The following SETBP1 variants were observed in gnomAD, a reference collection of about 807,000 sequenced individuals.
SETBP1 encodes the protein SET binding protein 1, also known as SET-binding protein.
SETBP1 carries 9 observed loss-of-function variants against 101.0 expected under a neutral mutation model. The observed-to-expected ratio is 0.09, with a 90% CI of 0.05 to 0.16. The LOEUF is 0.16. Among genes scored for constraint, SETBP1 ranks in the 10% least tolerant of loss-of-function variants. The pLI is 1.00. For missense variants in SETBP1, 1,858 were observed against 2,033.8 expected (o/e 0.91, Z 1.66); for synonymous variants, 818 against 788.5 (o/e 1.04, Z -0.63).
chr18:45,055,501 A>G (rs1192010504), intron 5 of SETBP1, among the ~76,000 whole-genome samples: 1 of 152,146 alleles, frequency 6.6e-6, no homozygotes, highest in Non-Finnish European at 1.5e-5. Flanking sequence ...AATATTTTTA[A>G]TAGTTTTTTA....
chr18:44,771,164 C>T (rs1021718666), intron 2 of SETBP1, among the ~76,000 whole-genome samples: 15 of 151,856 alleles, frequency 9.9e-5, no homozygotes, highest in African/African-American at 3.6e-4. Context: ...TCCAGATCTA[C>T]TGATGCAGAA....
chr18:44,939,537 A>C (rs1436339578), intron 3 of SETBP1, among the ~76,000 whole-genome samples: 1 of 152,196 alleles, frequency 6.6e-6, no homozygotes, highest in African/African-American at 2.4e-5. Context: ...TTTTTATAAA[A>C]GTCTAATTGT....
At chr18:44,938,680 G>C (rs1042131020) in intron 3 of SETBP1, among the ~76,000 whole-genome samples, 1 of 152,176 alleles carries the variant, frequency 6.6e-6, no homozygotes, top group Admixed American at 6.5e-5. Flanking sequence ...TTTGTGGCTG[G>C]GGTGGAGACA....
At chr18:45,040,311 A>C (rs917651113) in intron 5 of SETBP1, among the ~76,000 whole-genome samples, 2 of 151,168 alleles carry the variant, frequency 1.3e-5, no homozygotes, top group Admixed American at 1.3e-4. Flanking sequence ...GTTACTCCTG[A>C]GACTTGATGG....
intron 3 of SETBP1, among the ~76,000 whole-genome samples, chr18:44,889,948 GT>G (rs1186863841): frequency 6.6e-6 from 1 of 151,986 alleles, no homozygotes; most frequent in African/African-American, 2.4e-5. Flanking sequence ...TTGTTTACTT[GT>G]TTACTTAATT....
intron 3 of SETBP1, among the ~76,000 whole-genome samples, chr18:44,903,474 G>C (rs2070100700): frequency 6.6e-6 from 1 of 152,188 alleles, no homozygotes; most frequent in Non-Finnish European, 1.5e-5. Context: ...GCCACGCTGT[G>C]AGACAGCTTT....
Position 44,869,228 on chromosome 18 carries a change from A to G in SETBP1, c.487-2A>G, listed in dbSNP as rs2144680548. On this transcript the variant is annotated splice_acceptor_variant, in intron 2 of 5. Transcript: ENST00000649279. LOFTEE classifies it high-confidence loss of function. ...TGAGAAAATTTCTTTATTCTTTTGC[A>G]GCTCCTCACAGCCAGTGACCTTGCA... 6.2e-7 allele frequency: 1 copy of G among 1,614,018 alleles called. No individual in the cohort carries two copies. Among genetic ancestry groups the G allele is most frequent in the Non-Finnish European group, 8.5e-7 (1 of 1,179,922 alleles).
chr18:44,682,251 G>A (rs2068771470), intron 1 of SETBP1, among the ~76,000 whole-genome samples: 1 of 152,158 alleles, frequency 6.6e-6, no homozygotes, highest in South Asian at 2.1e-4. Flanking sequence ...TGTGTGTGTC[G>A]TGGGAGAAAG....
chr18:44,991,346 A>G (rs962046956), intron 4 of SETBP1, among the ~76,000 whole-genome samples: 2 of 152,054 alleles, frequency 1.3e-5, no homozygotes, highest in African/African-American at 4.8e-5. Flanking sequence ...AAAGCTTTAA[A>G]AAGGCCAGAT....
intron 2 of SETBP1, among the ~76,000 whole-genome samples, chr18:44,863,767 C>G (rs564276398): frequency 6.6e-6 from 1 of 152,286 alleles, no homozygotes; most frequent in South Asian, 2.1e-4. Flanking sequence ...ACCTACCTAC[C>G]TAGCTACCTA....
At chr18:44,779,165 G>A (rs1041547527) in intron 2 of SETBP1, among the ~76,000 whole-genome samples, 1 of 152,246 alleles carries the variant, frequency 6.6e-6, no homozygotes, top group African/African-American at 2.4e-5. Flanking sequence ...GGTTAGAGGA[G>A]GCTGGGTTTC....
intron 2 of SETBP1, among the ~76,000 whole-genome samples, chr18:44,782,085 G>C (rs2144685909): frequency 6.6e-6 from 1 of 152,328 alleles, no homozygotes; most frequent in Non-Finnish European, 1.5e-5. Context: ...TAGCTGTTAG[G>C]AATGCAGAAC....
intron 4 of SETBP1, among the ~76,000 whole-genome samples, chr18:44,982,152 G>A (rs1431822229): frequency 6.6e-6 from 1 of 152,224 alleles, no homozygotes; most frequent in Non-Finnish European, 1.5e-5. Flanking sequence ...TGGTTTCACA[G>A]CTCTGGAATA....
chr18:44,880,335 C>T (rs941955228), intron 3 of SETBP1, among the ~76,000 whole-genome samples: 2 of 152,060 alleles, frequency 1.3e-5, no homozygotes, highest in South Asian at 2.1e-4. Context: ...CCATTGTTGA[C>T]GTGGTGATAG....
chr18:45,003,827 A>C (rs1266947639), intron 4 of SETBP1, among the ~76,000 whole-genome samples: 1 of 152,198 alleles, frequency 6.6e-6, no homozygotes, highest in Admixed American at 6.5e-5. Context: ...AATTCCAGGA[A>C]GGGTGACATT....
intron 2 of SETBP1, among the ~76,000 whole-genome samples, chr18:44,855,783 T>A (rs1177268153): frequency 6.6e-6 from 1 of 152,228 alleles, no homozygotes; most frequent in Non-Finnish European, 1.5e-5. Context: ...TGTGCTCAGA[T>A]CTGCCTGCCA....
intron 4 of SETBP1, among the ~76,000 whole-genome samples, chr18:44,966,073 A>G (rs2071714572): frequency 6.6e-6 from 1 of 152,236 alleles, no homozygotes; most frequent in South Asian, 2.1e-4. Flanking sequence ...TAAATACATT[A>G]ATTATTGGAA....
intron 4 of SETBP1, among the ~76,000 whole-genome samples, chr18:45,032,328 T>C (rs1469817684): frequency 1.3e-5 from 2 of 152,164 alleles, no homozygotes; most frequent in Non-Finnish European, 2.9e-5. Flanking sequence ...TACCCCCCTC[T>C]CCACTTCTAA....
At chr18:44,796,053 G>A (rs1026395317) in intron 2 of SETBP1, among the ~76,000 whole-genome samples, 1 of 152,178 alleles carries the variant, frequency 6.6e-6, no homozygotes, top group African/African-American at 2.4e-5. Context: ...AATCTGCTGT[G>A]GATGGGATAC....
Sources: gnomAD v4.1 joint callset for allele counts (sites outside exome capture counted in the v4.1 genomes callset) on GRCh38, gnomAD v4.1.1 for gene constraint, MANE v1.5 for transcripts, NCBI Gene and HGNC (gene_info 2026-07-23, HGNC 2026-07-21) for gene names.